HNF4A: variants seen among roughly 807,000 people sequenced by gnomAD.
HNF4A encodes the protein hepatocyte nuclear factor 4 alpha.
Under a neutral mutation model 52.4 loss-of-function variants are expected in HNF4A, and 15 were observed. The ratio of observed to expected loss-of-function variants is 0.29; its 90% confidence interval spans 0.19 to 0.44. HNF4A has a LOEUF of 0.44. HNF4A is among the 20% of genes least tolerant of loss of function. HNF4A has a pLI of 1.00. For missense variants in HNF4A, 479 were observed against 647.2 expected (o/e 0.74, Z 2.82); for synonymous variants, 280 against 264.4 (o/e 1.06, Z -0.57).
At chr20:44,411,384 C>T (rs376320140) in intron 3 of HNF4A, among the ~76,000 whole-genome samples, 16 of 152,228 alleles carry the variant, frequency 1.1e-4, no homozygotes, top group East Asian at 5.8e-4. Context: ...CGTGACTGAG[C>T]TCGCGCCGGG....
intron 4 of HNF4A, 115 bp from the exon 5 acceptor site, chr20:44,414,392 C>T (rs1445999309): frequency 2.7e-6 from 4 of 1,468,616 alleles, no homozygotes; most frequent in Non-Finnish European, 3.8e-6. Context: ...TGGAGGGCAC[C>T]CACTATCCAG....
chr20:44,404,908 G>GGT (rs1219770837), intron 1 of HNF4A, among the ~76,000 whole-genome samples: 4 of 50,826 alleles, frequency 7.9e-5, no homozygotes, highest in African/African-American at 3.1e-4. Flanking sequence ...TGGTGTGTGT[G>GGT]GTGTGTGTGT....
At chr20:44,424,517 C>A in intron 8 of HNF4A, 1 of 1,042,848 alleles carries the variant, frequency 9.6e-7, no homozygotes. Context: ...TCTTTGCCCT[C>A]GGGGAGGCTG....
At chr20:44,405,860 G>A (rs866730793) in intron 1 of HNF4A, among the ~76,000 whole-genome samples, 198 bp from the exon 2 acceptor site, 3 of 152,198 alleles carry the variant, frequency 2.0e-5, no homozygotes, top group Non-Finnish European at 4.4e-5. Flanking sequence ...AGTCTGTGAA[G>A]TCACAACCAG....
chr20:44,410,764 G>A (rs756845399), intron 3 of HNF4A, among the ~76,000 whole-genome samples: 8 of 152,152 alleles, frequency 5.3e-5, no homozygotes, highest in Admixed American at 2.6e-4. Flanking sequence ...GTGATGTGAC[G>A]GGTCAGGGGT....
At chr20:44,390,718 G>A in intron 1 of HNF4A, 1 of 698,826 alleles carries the variant, frequency 1.4e-6, no homozygotes, top group South Asian at 1.5e-5. Flanking sequence ...AAGGAAGGAT[G>A]GGATGGTAGG....
chr20:44,370,319 G>A (rs1000943950), intron 1 of HNF4A, among the ~76,000 whole-genome samples: 1 of 152,162 alleles, frequency 6.6e-6, no homozygotes, highest in African/African-American at 2.4e-5. Flanking sequence ...GAGCCACAAC[G>A]CCCAGCCACA....
At chr20:44,398,561 G>A (rs1423524770), upstream of HNF4A, among the ~76,000 whole-genome samples, 1 of 152,218 alleles carries the variant, frequency 6.6e-6, no homozygotes, top group Non-Finnish European at 1.5e-5. Flanking sequence ...AATGAATCAT[G>A]TATGTAATAG....
intron 5 of HNF4A, among the ~76,000 whole-genome samples, chr20:44,417,861 C>A (rs1186503235): frequency 6.6e-6 from 1 of 151,396 alleles, no homozygotes; most frequent in African/African-American, 2.4e-5. Context: ...CTCAGCTACT[C>A]TGGAGGCTGA....
chr20:44,355,725 G>A (rs192201810), exon 1 of HNF4A: 36 of 1,292,686 alleles, frequency 2.8e-5, no homozygotes, highest in Admixed American at 2.0e-4. Context: ...TGGTGGACGG[G>A]CTCCTGGTGG....
At position 44,371,537 on chromosome 20, in the gene HNF4A, A is replaced by G. The variant is rs549500363; in HGVS notation, c.49+15684A>G. 1.8e-4 allele frequency among the ~76,000 whole-genome samples: 27 copies of G among 152,318 alleles called. No individual in the cohort carries two copies. In the East Asian group the frequency reaches 5.2e-3, roughly 29 times the overall value. ...TTCTGTCTCTACAAAAAATACAAAA[A>G]TTAGAGGCTGGGCCCGGTGGCTCAC... On this transcript the variant is annotated intron_variant, in intron 1 of 9. Transcript: ENST00000316673.
At chr20:44,405,904 A>G (rs1174505154) in intron 1 of HNF4A, among the ~76,000 whole-genome samples, 154 bp from the exon 2 acceptor site, 3 of 152,186 alleles carry the variant, frequency 2.0e-5, no homozygotes, top group African/African-American at 7.2e-5. Context: ...GAAGCTCCAA[A>G]AAGTCAGGAG....
intron 1 of HNF4A, among the ~76,000 whole-genome samples, chr20:44,382,388 A>G (rs1481818751): frequency 4.6e-5 from 7 of 151,964 alleles, no homozygotes; most frequent in Non-Finnish European, 8.8e-5. Context: ...ACAGGTGCGT[A>G]CCACTACGCA....
chr20:44,390,548 C>A (rs2063289699), intron 1 of HNF4A: 4 of 694,082 alleles, frequency 5.8e-6, no homozygotes, highest in Non-Finnish European at 1.0e-5. Context: ...GCGGCCCTCG[C>A]AGGGTCTGGG....
rs571600204 is a variant in HNF4A, at chr20:44,388,377, CCCCA to C, written c.50-17677_50-17674del. Among the ~76,000 whole-genome samples, 181 of 115,290 alleles carry C rather than the reference CCCCA, an allele frequency of 1.6e-3. 52 individuals are homozygous for C. The highest frequency in any genetic ancestry group is 6.3e-3 in the African/African-American group (135 of 21,546). 75.6% of individuals were successfully genotyped at this position (115,290 alleles called of 152,430 possible). On this transcript the variant is annotated intron_variant, in intron 1 of 9. Transcript: ENST00000316673. ...GCCTGGAACCTTCCTCAAAGACCCC[CCCCA>C]CCCCCGTACATTGGAACAAGGTGCT...
chr20:44,386,964 C>T (rs1472334948), intron 1 of HNF4A, among the ~76,000 whole-genome samples: 2 of 152,134 alleles, frequency 1.3e-5, no homozygotes, highest in East Asian at 3.9e-4. Context: ...TCTTGAAAGA[C>T]CTTTTCAGTC....
chr20:44,388,090 A>AT lies in HNF4A; in HGVS notation c.50-17957dup, dbSNP rs374784729. ...TCCACACTCCTATATCCACACATTA[A>AT]TTTTTTTTTTTAAATTGAGACAGAG... On this transcript the variant is annotated intron_variant, in intron 1 of 9. Coordinates refer to the HNF4A transcript ENST00000316673. 6.5e-3 allele frequency among the ~76,000 whole-genome samples: 878 copies of AT among 134,706 alleles called. 10 individuals are homozygous for AT. The highest frequency in any genetic ancestry group is 0.022 in the African/African-American group (726 of 33,514). 88.4% of individuals were successfully genotyped at this position (134,706 alleles called of 152,430 possible).
intron 1 of HNF4A, among the ~76,000 whole-genome samples, chr20:44,358,996 G>A (rs1030395319): frequency 6.6e-6 from 1 of 152,138 alleles, no homozygotes; most frequent in Admixed American, 6.5e-5. Flanking sequence ...TGCGGTTCTC[G>A]TCATCGCTCT....
At chr20:44,364,112 G>A (rs1309930279) in intron 1 of HNF4A, among the ~76,000 whole-genome samples, 1 of 152,160 alleles carries the variant, frequency 6.6e-6, no homozygotes, top group Non-Finnish European at 1.5e-5. Context: ...GGGTAATGTG[G>A]GTAGGGACGT....
Sources: gnomAD v4.1 joint callset for allele counts (sites outside exome capture counted in the v4.1 genomes callset) on GRCh38, gnomAD v4.1.1 for gene constraint, MANE v1.5 for transcripts, NCBI Gene and HGNC (gene_info 2026-07-23, HGNC 2026-07-21) for gene names.